Variants in NF1 observed in about 807,000 individuals in gnomAD.
NF1 encodes the protein neurofibromin 1.
NF1 carries 122 observed loss-of-function variants against 325.7 expected under a neutral mutation model. The ratio of observed to expected loss-of-function variants is 0.37; its 90% confidence interval spans 0.32 to 0.44. The LOEUF (loss-of-function observed/expected upper bound fraction) is 0.44, where lower values mean the gene tolerates loss of function less well. NF1 is among the 20% of genes least tolerant of loss of function. The pLI is 1.00. For missense variants in NF1, 2,140 were observed against 3,415.4 expected, an observed-to-expected ratio of 0.63 and a Z score of 9.31; for synonymous variants, 1,091 against 1,186.0, an observed-to-expected ratio of 0.92 and a Z score of 1.65.
chr17:31,107,612 AAAAAT>A (rs1272967923), intron 1 of NF1, among the ~76,000 whole-genome samples: 2 of 152,094 alleles, frequency 1.3e-5, no homozygotes, highest in East Asian at 3.8e-4. Context: ...ATAAATACAT[AAAAAT>A]AAAATAAAAA....
chr17:31,357,318 A>G lies in NF1; in HGVS notation c.7919A>G (p.Tyr2640Cys), dbSNP rs1597866901. The change falls in exon 54 of 58, where the codon TAT (tyrosine) becomes TGT (cysteine). Residue 2640 changes from tyrosine to cysteine, a missense_variant. This residue lies in a region of NF1 where 522 missense variants were observed against 749.0 expected (regional missense o/e 0.70). Coordinates refer to ENST00000358273, the MANE Select transcript of NF1 (RefSeq NM_001042492.3). ...GATGAGTTTGATCAACGAATTCTTT[A>G]TGAATACTTAGCAGAGGCCAGTGTT... Reference protein sequence around the residue: ...TTDEFDQRILYEYLAEASVVF... With the variant: ...TTDEFDQRILCEYLAEASVVF... The G allele has an allele frequency of 6.2e-7, 1 of 1,614,076 alleles. No homozygotes were observed. The highest frequency in any genetic ancestry group is 8.5e-7 in the Non-Finnish European group (1 of 1,179,948).
intron 5 of NF1, among the ~76,000 whole-genome samples, chr17:31,180,001 A>G (rs764181919): frequency 3.3e-5 from 5 of 152,244 alleles, no homozygotes; most frequent in African/African-American, 4.8e-5. Flanking sequence ...AAAATCTAGC[A>G]GTAATGGATA....
intron 56 of NF1, 28 bp downstream of exon 56, chr17:31,359,043 T>C (rs770624748): frequency 6.2e-7 from 1 of 1,605,710 alleles, no homozygotes; most frequent in African/African-American, 1.3e-5. Flanking sequence ...TCTCTAACTT[T>C]TGGCAAAATG....
At chr17:31,303,839 A>G (rs148714097) in intron 36 of NF1, 2 of 153,150 alleles carry the variant, frequency 1.3e-5, no homozygotes, top group African/African-American at 4.8e-5. Context: ...TACTTGAGGT[A>G]TTAATTTAAA....
intron 39 of NF1, among the ~76,000 whole-genome samples, chr17:31,332,141 A>G (rs1567614473): frequency 6.6e-6 from 1 of 151,894 alleles, no homozygotes; most frequent in Non-Finnish European, 1.5e-5. Flanking sequence ...AAACTAGGAA[A>G]TACACTTGGA....
intron 1 of NF1, among the ~76,000 whole-genome samples, chr17:31,097,947 C>G (rs114351513): frequency 6.7e-4 from 102 of 152,078 alleles, no homozygotes; most frequent in African/African-American, 2.3e-3. Flanking sequence ...ATCTGCCCCC[C>G]ACCCCCTGCT....
chr17:31,298,442 CGTTT>C (rs1409769571), intron 36 of NF1, among the ~76,000 whole-genome samples: 4 of 151,982 alleles, frequency 2.6e-5, no homozygotes, highest in Non-Finnish European at 4.4e-5. Context: ...GTTACTAAAT[CGTTT>C]GTTTTTCTCT....
chr17:31,145,793 TATC>T (rs912153448), intron 1 of NF1, among the ~76,000 whole-genome samples: 4 of 152,154 alleles, frequency 2.6e-5, no homozygotes, highest in African/African-American at 7.2e-5. Flanking sequence ...ACAAAAGAAG[TATC>T]ATGAAGATTC....
chr17:31,113,900 C>T (rs1482008378), intron 1 of NF1, among the ~76,000 whole-genome samples: 1 of 152,198 alleles, frequency 6.6e-6, no homozygotes, highest in East Asian at 1.9e-4. Flanking sequence ...GATGTCCTTA[C>T]CCTCTTCCCA....
chr17:31,337,153 C>T (rs775550075), intron 42 of NF1, among the ~76,000 whole-genome samples: 2 of 152,288 alleles, frequency 1.3e-5, no homozygotes, highest in South Asian at 4.1e-4. Context: ...GCGGAATACT[C>T]AGTGCCAGTT....
intron 8 of NF1, among the ~76,000 whole-genome samples, chr17:31,188,241 A>T (rs1396478607): frequency 6.6e-6 from 1 of 152,234 alleles, no homozygotes; most frequent in East Asian, 1.9e-4. Context: ...ACCAGCTACG[A>T]CTGCATGACC....
At chr17:31,302,220 C>T (rs1208520367) in intron 36 of NF1, among the ~76,000 whole-genome samples, 1 of 152,160 alleles carries the variant, frequency 6.6e-6, no homozygotes, top group East Asian at 1.9e-4. Context: ...AAAGAGAAAA[C>T]CTCCCTTTAA....
At chr17:31,122,780 G>A (rs1421133575) in intron 1 of NF1, among the ~76,000 whole-genome samples, 2 of 152,166 alleles carry the variant, frequency 1.3e-5, no homozygotes, top group Admixed American at 1.3e-4. Context: ...AATCATTTTG[G>A]TATGGAGAAG....
chr17:31,212,716 T>C (rs1244484557), intron 12 of NF1, among the ~76,000 whole-genome samples: 1 of 152,088 alleles, frequency 6.6e-6, no homozygotes, highest in Non-Finnish European at 1.5e-5. Flanking sequence ...TCTCAAAATA[T>C]ATATATTATA....
At chr17:31,184,886 A>G (rs2143799951) in intron 8 of NF1, among the ~76,000 whole-genome samples, 1 of 152,250 alleles carries the variant, frequency 6.6e-6, no homozygotes, top group East Asian at 1.9e-4. Flanking sequence ...CCAGGTGTCT[A>G]CTGTTAAAGT....
chr17:31,317,313 G>A lies in NF1; in HGVS notation c.4836-8507G>A, dbSNP rs147491890. On this transcript the variant is annotated intron_variant, in intron 36 of 57. Coordinates refer to ENST00000358273, the MANE Select transcript of NF1 (RefSeq NM_001042492.3). Reference sequence around the variant, plus strand: ...AATGTAAGTCATTATTTTACTTGAAGCCAGTTTCTTTAAAGGTTAAATTAT... The same window carrying A: ...AATGTAAGTCATTATTTTACTTGAAACCAGTTTCTTTAAAGGTTAAATTAT... Among the ~76,000 whole-genome samples, 7 of 151,436 alleles carry A rather than the reference G, an allele frequency of 4.6e-5. No homozygotes were observed. In the East Asian group the frequency reaches 1.4e-3, roughly 29 times the overall value.
At chr17:31,184,666 A>AAAAAAAAAAAAAAT (rs1567828025) in intron 8 of NF1, among the ~76,000 whole-genome samples, 8 of 140,564 alleles carry the variant, frequency 5.7e-5, no homozygotes, top group Non-Finnish European at 9.5e-5. Flanking sequence ...AAAATAAAAA[A>AAAAAAAAAAAAAAT]AAAAAATAAA....
rs140110377 is a variant in NF1 at position 31,375,319 on chromosome 17, G to A, written c.*1164G>A. On this transcript the variant is annotated 3_prime_UTR_variant, in exon 58 of 58. Transcript: ENST00000358273. ...ATCAGAAACCTCTTTAAGAAAACAT[G>A]TAGGTTATATATGCTAGAATTGCAT... 6.0e-4 allele frequency: 138 copies of A among 229,594 alleles called. 1 individual carries two copies. In the East Asian group the frequency reaches 8.1e-3, roughly 13 times the overall value. 14.2% of individuals were successfully genotyped at this position (229,594 alleles called of 1,614,324 possible).
intron 1 of NF1, among the ~76,000 whole-genome samples, chr17:31,129,383 A>G (rs60230969): frequency 0.017 from 2,631 of 150,556 alleles, 94 homozygotes; most frequent in African/African-American, 0.061. Context: ...CAGAAAGCCA[A>G]TCTTCAAGCG....
Sources: allele counts gnomAD v4.1 joint callset (sites outside exome capture counted in the v4.1 genomes callset), GRCh38; gene constraint gnomAD v4.1.1; regional missense constraint gnomAD v4.1.1; transcripts MANE v1.5; gene names NCBI Gene and HGNC (gene_info 2026-07-23, HGNC 2026-07-21).